Variants in MBLAC2 observed in about 807,000 individuals in gnomAD.
MBLAC2 encodes metallo-beta-lactamase domain containing 2.
In MBLAC2, 24 loss-of-function variants were observed where a neutral mutation model predicts 23.3. That is an observed-to-expected ratio of 1.03 (90% CI 0.75 to 1.45). The LOEUF (loss-of-function observed/expected upper bound fraction) is 1.45, where lower values mean the gene tolerates loss of function less well. Among genes scored for constraint, MBLAC2 ranks in the 40% most tolerant of loss-of-function variants. The probability of loss-of-function intolerance (pLI) is 0.00; values close to 1 mark genes in which losing one functional copy is unlikely to be tolerated. For synonymous variants in MBLAC2, 162 were observed against 150.9 expected (o/e 1.07, Z -0.54); for missense variants, 358 against 370.0 (o/e 0.97, Z 0.27).
In MBLAC2 at chr5:90,473,923, C is replaced by G. The variant is rs1750631897; in HGVS notation, c.370G>C (p.Glu124Gln). ...FETVTWLSDS[E>Q]VVRTPSPGWR... Reference sequence around the variant, plus strand: ...CCGGGGCTGGGCGTCCGCACCACCTCGCTATCGGAAAGCCAGGTCACGGTC... The same window carrying G: ...CCGGGGCTGGGCGTCCGCACCACCTGGCTATCGGAAAGCCAGGTCACGGTC... Residue 124 changes from glutamate to glutamine, a missense_variant, in exon 1 of 2, where the codon GAG becomes CAG. Coordinates refer to ENST00000316610, the MANE Select transcript of MBLAC2 (RefSeq NM_203406.2). 1 of 1,605,456 alleles carries G rather than the reference C, an allele frequency of 6.2e-7. No homozygotes were observed. Among genetic ancestry groups the G allele is most frequent in the Non-Finnish European group, 8.5e-7 (1 of 1,176,764 alleles).
chr5:90,468,129 T>C (rs909984518), intron 1 of MBLAC2, among the ~76,000 whole-genome samples: 1 of 152,192 alleles, frequency 6.6e-6, no homozygotes, highest in Non-Finnish European at 1.5e-5. Context: ...TAAGATTCTT[T>C]CCTTTCATCT....
At chr5:90,467,768 T>G (rs911470740) in intron 1 of MBLAC2, among the ~76,000 whole-genome samples, 2 of 152,136 alleles carry the variant, frequency 1.3e-5, no homozygotes, top group African/African-American at 4.8e-5. Flanking sequence ...TTGTTTGTTT[T>G]TTACATTGTT....
In MBLAC2 at chr5:90,461,235, A is replaced by G. The variant is rs767678832; in HGVS notation, c.772T>C (p.Ser258Pro). ...ISKAGICHKV[S>P]TFAMRSLASL... ...GCAAGAGATCGCATGGCAAAAGTAGAAACTTTGTGACATATCCCAGCTTTT... is the reference window on the plus strand; with the variant it reads ...GCAAGAGATCGCATGGCAAAAGTAGGAACTTTGTGACATATCCCAGCTTTT... Residue 258 changes from serine to proline, a missense_variant, in exon 2 of 2, where the codon TCT (serine) becomes CCT (proline). Transcript: ENST00000316610. 3.7e-6 allele frequency: 6 copies of G among 1,613,830 alleles called. No homozygotes were observed. The highest frequency in any genetic ancestry group is 8.5e-7 in the Non-Finnish European group (1 of 1,179,952).
chr5:90,468,328 A>G (rs200715935), intron 1 of MBLAC2, among the ~76,000 whole-genome samples: 1 of 152,142 alleles, frequency 6.6e-6, no homozygotes, highest in Non-Finnish European at 1.5e-5. Flanking sequence ...GGGAACACCA[A>G]TTGTTCTTAG....
intron 1 of MBLAC2, among the ~76,000 whole-genome samples, chr5:90,466,654 TAAA>T (rs1750451589): frequency 6.6e-6 from 1 of 152,168 alleles, no homozygotes; most frequent in Non-Finnish European, 1.5e-5. Context: ...AACTCAATAA[TAAA>T]AAAGCTGAAT....
At chr5:90,473,411 C>A in intron 1 of MBLAC2, 1 of 464,360 alleles carries the variant, frequency 2.2e-6, no homozygotes. Context: ...TTCTCAAAAG[C>A]ACAGATCATG....
rs202154053 is a variant in MBLAC2 at position 90,458,268 on chromosome 5, G to A, written c.*2899C>T. ...TTACACTTATCTGAAAATTATAATA[G>A]GACAATTGGTGCATGTCACATTCAT... On this transcript the variant is annotated 3_prime_UTR_variant, in exon 2 of 2. Transcript: ENST00000316610. 7 of 152,138 alleles carry A rather than the reference G, an allele frequency of 4.6e-5. No homozygotes were observed. In the East Asian group the frequency reaches 1.4e-3, roughly 29 times the overall value. 9.4% of individuals were successfully genotyped at this position (152,138 alleles called of 1,614,324 possible). A position where few individuals can be genotyped will look rare whatever the true frequency, so the allele number is the denominator to read the frequency against.
In MBLAC2 at chr5:90,460,322, T is replaced by A. The variant is rs944316745; in HGVS notation, c.*845A>T. On this transcript the variant is annotated 3_prime_UTR_variant, in exon 2 of 2. Transcript: ENST00000316610. ...TGAAGTCGCTATTTAACAGGAAAAA[T>A]TTTGTTCATAATAGCTGTTAATATT... 6.6e-6 allele frequency: 1 copy of A among 152,552 alleles called. No individual in the cohort carries two copies. Among genetic ancestry groups the A allele is most frequent in the African/African-American group, 2.4e-5 (1 of 41,450 alleles). 9.4% of individuals were successfully genotyped at this position (152,552 alleles called of 1,614,324 possible).
At chr5:90,463,959 T>C (rs28869620) in intron 1 of MBLAC2, among the ~76,000 whole-genome samples, 3,853 of 152,278 alleles carry the variant, frequency 0.025, 184 homozygotes, top group African/African-American at 0.089. Context: ...TTATGAACAA[T>C]TTTAAGCCAA....
intron 1 of MBLAC2, among the ~76,000 whole-genome samples, chr5:90,462,593 TTAATA>T (rs1186846146): frequency 4.6e-5 from 7 of 152,090 alleles, no homozygotes; most frequent in Non-Finnish European, 8.8e-5. Context: ...GCAGCTAATA[TTAATA>T]TAAGACAAAA....
intron 1 of MBLAC2, among the ~76,000 whole-genome samples, chr5:90,465,244 A>G (rs769817571): frequency 6.6e-6 from 1 of 152,246 alleles, no homozygotes; most frequent in Non-Finnish European, 1.5e-5. Context: ...TCAAAATAGC[A>G]TCAAAAAGAA....
intron 1 of MBLAC2, among the ~76,000 whole-genome samples, chr5:90,463,679 T>G (rs1750402333): frequency 6.6e-6 from 1 of 152,100 alleles, no homozygotes; most frequent in East Asian, 1.9e-4. Flanking sequence ...ATTACTATCC[T>G]AAGAAGTTAG....
At chr5:90,472,063 G>A (rs996588397) in intron 1 of MBLAC2, 1 of 152,138 alleles carries the variant, frequency 6.6e-6, no homozygotes, top group Non-Finnish European at 1.5e-5. Flanking sequence ...AGCTCTTTCC[G>A]AGATGGGGTA....
At chr5:90,465,930 C>A (rs1180110927) in intron 1 of MBLAC2, among the ~76,000 whole-genome samples, 1 of 152,160 alleles carries the variant, frequency 6.6e-6, no homozygotes, top group Non-Finnish European at 1.5e-5. Context: ...AAAAATTCAA[C>A]ATAATCTCAA....
chr5:90,474,065 T>C lies in MBLAC2; in HGVS notation c.228A>G (p.Pro76=). 6.3e-7 allele frequency: 1 copy of C among 1,579,572 alleles called. No homozygotes were observed. The highest frequency in any genetic ancestry group is 1.2e-5 in the South Asian group (1 of 86,824). Residue 76 remains proline (P), a synonymous_variant, in exon 1 of 2, where the codon CCA becomes CCG. Transcript: ENST00000316610. The part of the protein sequence containing the change: ...REAKEDAARR[P]LLAVATHVHF... ...GCACGTGGGTGGCCACGGCAAGCAGTGGCCGGCGCGCCGCGTCCTCTTTGG... is the reference window on the plus strand; with the variant it reads ...GCACGTGGGTGGCCACGGCAAGCAGCGGCCGGCGCGCCGCGTCCTCTTTGG...
At position 90,458,360 on chromosome 5, in the gene MBLAC2, T is replaced by G. The variant is rs946822170; in HGVS notation, c.*2807A>C. The G allele has an allele frequency of 1.3e-5, 2 of 152,178 alleles. No individual in the cohort carries two copies. Among genetic ancestry groups the G allele is most frequent in the African/African-American group, 4.8e-5 (2 of 41,464 alleles). 9.4% of individuals were successfully genotyped at this position (152,178 alleles called of 1,614,324 possible). On this transcript the variant is annotated 3_prime_UTR_variant, in exon 2 of 2. Coordinates refer to ENST00000316610, the MANE Select transcript of MBLAC2 (RefSeq NM_203406.2). Reference sequence around the variant, plus strand: ...TCAGGATAACACACAAGGTTTTTGTTTGTTTTAGGCTTCTCAGTTGAAAGA... The same window carrying G: ...TCAGGATAACACACAAGGTTTTTGTGTGTTTTAGGCTTCTCAGTTGAAAGA...
At chr5:90,470,124 C>T (rs372733870) in intron 1 of MBLAC2, among the ~76,000 whole-genome samples, 37 of 152,064 alleles carry the variant, frequency 2.4e-4, no homozygotes, top group African/African-American at 8.7e-4. Context: ...GTGAAATAAG[C>T]CAGGCACAAA....
chr5:90,466,955 T>G (rs573434256), intron 1 of MBLAC2, among the ~76,000 whole-genome samples: 1 of 152,112 alleles, frequency 6.6e-6, no homozygotes, highest in Non-Finnish European at 1.5e-5. Flanking sequence ...CTGGCCAACA[T>G]GGTGAGACCC....
In MBLAC2 at chr5:90,472,202, ATTCTT is replaced by A. The variant is rs546464658; in HGVS notation, c.454+1632_454+1636del. Among the ~76,000 whole-genome samples the A allele has an allele frequency of 1.6e-3, 248 of 152,336 alleles. 2 individuals carry two copies. The highest frequency in any genetic ancestry group is 5.8e-3 in the African/African-American group (243 of 41,570). On this transcript the variant is annotated intron_variant, in intron 1 of 1. Coordinates refer to ENST00000316610, the MANE Select transcript of MBLAC2 (RefSeq NM_203406.2). ...CAAAAGTAAATTTCAAAAGTAATTT[ATTCTT>A]TTCAACAATTTAAGTATATTTTAAT...
Sources: gnomAD v4.1 joint callset for allele counts (sites outside exome capture counted in the v4.1 genomes callset) on GRCh38, gnomAD v4.1.1 for gene constraint, MANE v1.5 for transcripts, NCBI Gene and HGNC (gene_info 2026-07-23, HGNC 2026-07-21) for gene names.